Variants in GIGYF2 observed in about 807,000 individuals in gnomAD.
GIGYF2 encodes the protein GRB10 interacting GYF protein 2.
A neutral mutation model predicts 208.1 loss-of-function variants in GIGYF2; 25 were observed. The observed-to-expected ratio is 0.12, with a 90% confidence interval of 0.09 to 0.17. The LOEUF is 0.17. GIGYF2 is among the 10% of genes least tolerant of loss of function. The pLI, the probability that GIGYF2 is intolerant of heterozygous loss-of-function variation, is 1.00. For missense variants in GIGYF2, 1,302 were observed against 1,579.4 expected (o/e 0.82, Z 2.98); for synonymous variants, 534 against 543.8 (o/e 0.98, Z 0.25).
At position 232,859,658 on chromosome 2, in the gene GIGYF2, G is replaced by C. The variant is rs1245866594; in HGVS notation, c.*2798G>C. 6.6e-6 allele frequency: 1 copy of C among 152,328 alleles called. No homozygotes were observed. Among genetic ancestry groups the C allele is most frequent in the Non-Finnish European group, 1.5e-5 (1 of 68,154 alleles). The allele number at this position is 152,328 out of a possible 1,614,324, so 9.4% of individuals were successfully genotyped here. On this transcript the variant is annotated 3_prime_UTR_variant, in exon 29 of 29. Coordinates refer to ENST00000373563, the MANE Select transcript of GIGYF2 (RefSeq NM_001103146.3). ...CTGGGGTATTCTTTGGTTGTGGTCA[G>C]ATGTCTTCCAGGGCATCATTCCTAT...
At chr2:232,764,839 C>T (rs747882947) in intron 8 of GIGYF2, among the ~76,000 whole-genome samples, 3 of 152,152 alleles carry the variant, frequency 2.0e-5, no homozygotes, top group East Asian at 3.9e-4. Context: ...CAAGTTTAGT[C>T]GTTGTTATTT....
chr2:232,781,601 G>T (rs922669825), intron 8 of GIGYF2, among the ~76,000 whole-genome samples: 3 of 151,816 alleles, frequency 2.0e-5, no homozygotes, highest in Non-Finnish European at 4.4e-5. Flanking sequence ...AAATCATTCT[G>T]TGGGAAGATG....
chr2:232,844,669 T>C (rs573848983), intron 25 of GIGYF2, 95 bp downstream of exon 25: 45 of 813,802 alleles, frequency 5.5e-5, no homozygotes, highest in East Asian at 4.5e-4. Flanking sequence ...AAGGTAGTTA[T>C]TGAGTTTTTG....
At chr2:232,819,782 C>T (rs1434148791) in intron 20 of GIGYF2, 45 bp from the exon 21 acceptor site, 1 of 440,268 alleles carries the variant, frequency 2.3e-6, no homozygotes, top group Non-Finnish European at 4.4e-6. Flanking sequence ...GAATGATAGA[C>T]CTGAGTCCCT....
At chr2:232,698,084 T>C (rs1006171893) in intron 1 of GIGYF2, among the ~76,000 whole-genome samples, 1 of 152,164 alleles carries the variant, frequency 6.6e-6, no homozygotes, top group African/African-American at 2.4e-5. Context: ...GCATTATCCT[T>C]AAGTGTCAGT....
chr2:232,746,294 A>C (rs1011305066), intron 3 of GIGYF2, among the ~76,000 whole-genome samples: 8 of 152,122 alleles, frequency 5.3e-5, no homozygotes, highest in African/African-American at 1.9e-4. Context: ...TATTTTTAAT[A>C]ATGTGCACAT....
In GIGYF2 at chr2:232,811,062, A is replaced by T. The variant is rs1700719456; in HGVS notation, c.1899-182A>T. On this transcript the variant is annotated intron_variant, in intron 16 of 28. Transcript: ENST00000373563. ...GCCATCTATGAGTTCAGTTCTTTCT[A>T]GAATGAAGCATAGAATTTTCTATGT... is the stretch of plus-strand genomic sequence containing the variant. 1.1e-5 allele frequency: 6 copies of T among 565,860 alleles called. No homozygotes were observed. The Middle Eastern group carries it at 2.0e-3, about 188-fold the overall frequency. 35.1% of individuals were successfully genotyped at this position (565,860 alleles called of 1,614,324 possible). A position where few individuals can be genotyped will look rare whatever the true frequency, so the allele number is the denominator to read the frequency against.
Position 232,708,634 on chromosome 2 carries a change from A to C in GIGYF2, c.-44+5145A>C, listed in dbSNP as rs935693567. Among the ~76,000 whole-genome samples, 13 of 149,298 alleles carry C rather than the reference A, an allele frequency of 8.7e-5. No homozygotes were observed. In the East Asian group the frequency reaches 2.6e-3, roughly 30 times the overall value. On this transcript the variant is annotated intron_variant, in intron 2 of 28. Transcript: ENST00000373563. Reference sequence around the variant, plus strand: ...TGAATTGCTTGAGTCCAGGAGTTGGAGACCAGCCTGGGCAACATGGCAAAA... The same window carrying C: ...TGAATTGCTTGAGTCCAGGAGTTGGCGACCAGCCTGGGCAACATGGCAAAA...
intron 21 of GIGYF2, among the ~76,000 whole-genome samples, chr2:232,823,526 T>A (rs1030652327): frequency 2.6e-5 from 4 of 152,066 alleles, no homozygotes; most frequent in African/African-American, 9.7e-5. Flanking sequence ...CTAATTTTTT[T>A]ATTTTTTGTA....
intron 5 of GIGYF2, among the ~76,000 whole-genome samples, chr2:232,750,905 C>G (rs1024932832): frequency 2.0e-5 from 3 of 152,218 alleles, no homozygotes; most frequent in African/African-American, 7.2e-5. Flanking sequence ...TCATAGCTCA[C>G]TACAACCTTG....
rs1468062630 is a variant in GIGYF2, at chr2:232,806,576, A to G, written c.1725A>G (p.Glu575=). The change falls in exon 15 of 29, where the codon GAA becomes GAG. Residue 575 remains glutamate, a synonymous_variant. Transcript: ENST00000373563. This position sits in a 1 kb window ranked among gnomAD's most constrained non-coding sequence, Gnocchi z 4.0. ...MSLLVKRACD[E]SFQPLGDIMK... is the part of the protein sequence containing the mutation. ...TATTGGTGAAGAGAGCGTGTGATGA[A>G]AGCTTCCAACCTCTTGGCGATATCA... The G allele has an allele frequency of 6.2e-7, 1 of 1,612,008 alleles. No individual in the cohort carries two copies. Among genetic ancestry groups the G allele is most frequent in the African/African-American group, 1.3e-5 (1 of 74,832 alleles).
chr2:232,728,569 G>T (rs1248359027), intron 2 of GIGYF2, among the ~76,000 whole-genome samples: 1 of 152,126 alleles, frequency 6.6e-6, no homozygotes, highest in Non-Finnish European at 1.5e-5. Context: ...GTGCCTTGAT[G>T]ATATGATCAG....
intron 12 of GIGYF2, among the ~76,000 whole-genome samples, chr2:232,793,696 G>A (rs1476750136): frequency 6.6e-6 from 1 of 152,088 alleles, no homozygotes; most frequent in Non-Finnish European, 1.5e-5. Context: ...ACTTAGTAGG[G>A]GTAAGAAGAA....
chr2:232,847,488 A>G lies in GIGYF2; in HGVS notation c.3601A>G (p.Asn1201Asp). 3 of 1,607,524 alleles carry G rather than the reference A, an allele frequency of 1.9e-6. No individual in the cohort carries two copies. Among genetic ancestry groups the G allele is most frequent in the Non-Finnish European group, 2.5e-6 (3 of 1,177,842 alleles). The change falls in exon 27 of 29, where the codon AAC (asparagine) becomes GAC (aspartate). Residue 1201 changes from asparagine to aspartate, a missense_variant. By Grantham distance (23) the Asn-to-Asp change is conservative. Transcript: ENST00000373563. The part of the protein sequence containing the change: ...FLERRAKQKA[N>D]QQRQQQQLPQ... ...TGAGCGCCGTGCCAAACAGAAAGCC[A>G]ACCAGCAGCGTCAGCAGCAGCAGCT... is the stretch of plus-strand genomic sequence containing the variant.
intron 2 of GIGYF2, among the ~76,000 whole-genome samples, chr2:232,721,379 G>C (rs770038438): frequency 1.3e-5 from 2 of 151,996 alleles, no homozygotes; most frequent in Non-Finnish European, 2.9e-5. Context: ...CCTCTCCCTC[G>C]TGTTCATAAG....
chr2:232,735,382 A>G (rs1697691460), intron 3 of GIGYF2, 144 bp downstream of exon 3: 2 of 670,712 alleles, frequency 3.0e-6, no homozygotes, highest in Non-Finnish European at 5.3e-6. Context: ...GTGTTAGTTC[A>G]GGAATAAATT....
chr2:232,732,531 C>T (rs1186743608), intron 2 of GIGYF2, among the ~76,000 whole-genome samples: 1 of 152,150 alleles, frequency 6.6e-6, no homozygotes, highest in African/African-American at 2.4e-5. Flanking sequence ...ACACAACTCG[C>T]ACCCAGCCAG....
At chr2:232,809,057 G>A (rs997402551) in intron 15 of GIGYF2, among the ~76,000 whole-genome samples, 1 of 152,124 alleles carries the variant, frequency 6.6e-6, no homozygotes, top group African/African-American at 2.4e-5. Context: ...TGATTCTCCT[G>A]TCTCAGCCTC....
At position 232,768,436 on chromosome 2, in the gene GIGYF2, C is replaced by T. The variant is rs370613677; in HGVS notation, c.532+7000C>T. 1.6e-5 allele frequency: 26 copies of T among 1,614,070 alleles called. No homozygotes were observed. Among genetic ancestry groups the T allele is most frequent in the Non-Finnish European group, 2.1e-5 (25 of 1,180,020 alleles). On this transcript the variant is annotated intron_variant, in intron 8 of 28. Coordinates refer to ENST00000373563, the MANE Select transcript of GIGYF2 (RefSeq NM_001103146.3). ...TAGGATGTCCTCCTTTGGCATATTT[C>T]TCCAGTGCCCTCCTGCATTGCTGAA...
Sources: gnomAD v4.1 joint callset for allele counts (sites outside exome capture counted in the v4.1 genomes callset) on GRCh38, gnomAD v4.1.1 for gene constraint, Gnocchi (gnomAD v3.1) non-coding constraint, MANE v1.5 for transcripts, NCBI Gene and HGNC (gene_info 2026-07-23, HGNC 2026-07-21) for gene names.